The following ADGRE2 variants were observed in gnomAD, a reference collection of about 807,000 sequenced individuals.
ADGRE2 encodes the protein adhesion G protein-coupled receptor E2, also known as CD97 antigen.
Under a neutral mutation model 100.8 loss-of-function variants are expected in ADGRE2, and 83 were observed. The ratio of observed to expected loss-of-function variants is 0.82; its 90% CI spans 0.69 to 0.99. The LOEUF (loss-of-function observed/expected upper bound fraction) is 0.99, where lower values mean the gene tolerates loss of function less well. ADGRE2 is among the 50% of genes least tolerant of loss of function. The pLI, the probability that ADGRE2 is intolerant of heterozygous loss-of-function variation, is 0.00. For missense variants in ADGRE2, 814 were observed against 1,035.7 expected, an observed-to-expected ratio of 0.79 and a Z score of 2.94; for synonymous variants, 355 against 413.0, an observed-to-expected ratio of 0.86 and a Z score of 1.70.
At chr19:14,750,223 T>C (rs1308270059) in intron 16 of ADGRE2, among the ~76,000 whole-genome samples, 1 of 145,968 alleles carries the variant, frequency 6.9e-6, no homozygotes, top group East Asian at 2.0e-4. Flanking sequence ...TACATAGATA[T>C]ATATTTATAT....
Position 14,773,925 on chromosome 19 carries a change from C to A in ADGRE2, c.199+13G>T, listed in dbSNP as rs766054424. The A allele has an allele frequency of 1.2e-6, 2 of 1,613,326 alleles. No homozygotes were observed. The highest frequency in any genetic ancestry group is 4.5e-5 in the East Asian group (2 of 44,882). On this transcript the variant is annotated intron_variant, in intron 4 of 20. Transcript: ENST00000315576. ...TCGCAGATGTCCCCTGCGCTGCCCT[C>A]AAGCCTCTGTACCGTCACAAGTCTC...
In ADGRE2 at chr19:14,759,815, A is replaced by ATTT. The variant is rs71333311; in HGVS notation, c.1085-3473_1085-3471dup. 8.0e-3 allele frequency among the ~76,000 whole-genome samples: 768 copies of ATTT among 95,522 alleles called. 40 individuals carry two copies. The highest frequency in any genetic ancestry group is 0.033 in the African/African-American group (711 of 21,538). 62.7% of individuals were successfully genotyped at this position (95,522 alleles called of 152,430 possible). ...AGCCACCTCTCCGCTTATTAAGCAG[A>ATTT]TTTTTTTTTTTTTTTTTTTTTGAGA... On this transcript the variant is annotated intron_variant, in intron 11 of 20. Coordinates refer to ENST00000315576, the MANE Select transcript of ADGRE2 (RefSeq NM_013447.4).
intron 13 of ADGRE2, among the ~76,000 whole-genome samples, 190 bp downstream of exon 13, chr19:14,755,464 G>T (rs1306912598): frequency 6.6e-6 from 1 of 151,928 alleles, no homozygotes. Flanking sequence ...ATAAAAAAAA[G>T]AACACAGGTG....
rs200195751 is a variant in ADGRE2, at chr19:14,777,837, T to A, written c.-172+420A>T. On this transcript the variant is annotated intron_variant, in intron 1 of 20. Coordinates refer to ENST00000315576, the MANE Select transcript of ADGRE2 (RefSeq NM_013447.4). ...AAGGACATGAACTCATCCTTTTTTA[T>A]AGCTGCATAGTATTCCCTGGTGTAT... 2.0e-5 allele frequency among the ~76,000 whole-genome samples: 3 copies of A among 152,214 alleles called. No individual in the cohort carries two copies. The East Asian group carries it at 5.8e-4, about 29-fold the overall frequency.
intron 10 of ADGRE2, 33 bp from the exon 11 acceptor site, chr19:14,764,643 A>C: frequency 6.3e-7 from 1 of 1,589,144 alleles, no homozygotes; most frequent in Non-Finnish European, 8.6e-7. Context: ...CTAGTGAGCC[A>C]TGGGCCAGAG....
Position 14,759,503 on chromosome 19 carries a change from A to ATATATTTT in ADGRE2, c.1085-3159_1085-3158insAAAATATA, listed in dbSNP as rs60789454. Among the ~76,000 whole-genome samples the ATATATTTT allele has an allele frequency of 1.9e-4, 26 of 133,370 alleles. No individual in the cohort carries two copies. The East Asian group carries it at 2.9e-3, about 15-fold the overall frequency. The allele number at this position is 133,370 out of a possible 152,430, so 87.5% of individuals were successfully genotyped here. A position where few individuals can be genotyped will look rare whatever the true frequency, so the allele number is the denominator to read the frequency against. ...ATAAGTTATACATATATATATATATATTTTTTTTTTTTAGACGGAGTCTCA... is the reference window on the plus strand; with the variant it reads ...ATAAGTTATACATATATATATATATATATATTTTTTTTTTTTTTTTAGACGGAGTCTCA... On this transcript the variant is annotated intron_variant, in intron 11 of 20. Transcript: ENST00000315576.
At position 14,767,885 on chromosome 19, in the gene ADGRE2, C is replaced by A. The variant is rs1340403560; in HGVS notation, c.356-776G>T. 2.6e-5 allele frequency among the ~76,000 whole-genome samples: 4 copies of A among 152,172 alleles called. No homozygotes were observed. In the East Asian group the frequency reaches 7.7e-4, roughly 29 times the overall value. On this transcript the variant is annotated intron_variant, in intron 5 of 20. Coordinates refer to ENST00000315576, the MANE Select transcript of ADGRE2 (RefSeq NM_013447.4). The stretch of plus-strand genomic sequence containing the variant: ...TCATATTTGAGGAATGGAGAGTAGG[C>A]AGGTTTTCAGCTTCTGCTCACCCTC...
intron 18 of ADGRE2, among the ~76,000 whole-genome samples, chr19:14,744,737 G>A (rs1166263432): frequency 2.6e-5 from 4 of 152,150 alleles, no homozygotes; most frequent in African/African-American, 9.6e-5. Flanking sequence ...TTACAGGCGT[G>A]AGCCACCATG....
chr19:14,756,465 G>A (rs745545644), intron 11 of ADGRE2, 120 bp from the exon 12 acceptor site: 37 of 694,728 alleles, frequency 5.3e-5, no homozygotes, highest in Admixed American at 1.8e-4. Context: ...ACAAAATATC[G>A]GAAGAGAATA....
downstream of ADGRE2, among the ~76,000 whole-genome samples, chr19:14,730,831 C>T (rs966616857): frequency 1.3e-5 from 2 of 151,554 alleles, no homozygotes; most frequent in Admixed American, 6.6e-5. Context: ...TCTAGTAGTC[C>T]CCATTGTCTA....
At chr19:14,728,679 A>G (rs1289082865), downstream of ADGRE2, among the ~76,000 whole-genome samples, 2 of 152,228 alleles carry the variant, frequency 1.3e-5, no homozygotes, top group Non-Finnish European at 2.9e-5. Context: ...AAAAACTTCC[A>G]TGTGAATCCC....
chr19:14,752,672 T>A, intron 14 of ADGRE2, 146 bp from the exon 15 acceptor site: 2 of 1,067,382 alleles, frequency 1.9e-6, no homozygotes, highest in Non-Finnish European at 2.7e-6. Context: ...CAATTTAATT[T>A]AATTTGCGAA....
Position 14,751,703 on chromosome 19 carries a change from C to T in ADGRE2, c.1789-32G>A, listed in dbSNP as rs777656777. ...GAGAAGTAAAAGACGCCCAGAGCGGCGATCAGATTTGAGTGTGGCCCATGG... is the reference window on the plus strand; with the variant it reads ...GAGAAGTAAAAGACGCCCAGAGCGGTGATCAGATTTGAGTGTGGCCCATGG... On this transcript the variant is annotated intron_variant, in intron 15 of 20. Transcript: ENST00000315576. The T allele has an allele frequency of 3.6e-5, 56 of 1,562,448 alleles. 1 individual carries two copies. The highest frequency in any genetic ancestry group is 1.1e-4 in the South Asian group (10 of 89,588).
chr19:14,773,792 A>G (rs376898532), intron 4 of ADGRE2, 146 bp downstream of exon 4: 52 of 835,546 alleles, frequency 6.2e-5, no homozygotes, highest in South Asian at 1.1e-4. Context: ...GAGCCACCAC[A>G]CCTGCCCTCT....
At chr19:14,747,685 G>A (rs1270063296) in intron 16 of ADGRE2, among the ~76,000 whole-genome samples, 1 of 151,906 alleles carries the variant, frequency 6.6e-6, no homozygotes, top group African/African-American at 2.4e-5. Flanking sequence ...GCGCATGCCT[G>A]TAATCTCAGC....
chr19:14,754,946 G>A lies in ADGRE2; in HGVS notation c.1590+8C>T, dbSNP rs762453696. The A allele has an allele frequency of 3.1e-6, 5 of 1,613,342 alleles. No homozygotes were observed. Among genetic ancestry groups the A allele is most frequent in the Non-Finnish European group, 4.2e-6 (5 of 1,179,786 alleles). ...AATGCAGAGTGCATCCCCTCCTAAG[G>A]GTCTCACCTGCACATCGTAGTGGGC... On this transcript the variant is annotated splice_region_variant and intron_variant, in intron 14 of 20. Coordinates refer to ENST00000315576, the MANE Select transcript of ADGRE2 (RefSeq NM_013447.4).
At chr19:14,737,282 G>C (rs1374104082) in intron 20 of ADGRE2, among the ~76,000 whole-genome samples, 1 of 151,664 alleles carries the variant, frequency 6.6e-6, no homozygotes, top group Non-Finnish European at 1.5e-5. Flanking sequence ...CCAACTCCCA[G>C]GTTCAAGTGA....
intron 16 of ADGRE2, among the ~76,000 whole-genome samples, chr19:14,750,375 T>A (rs977155338): frequency 2.0e-5 from 3 of 151,934 alleles, no homozygotes; most frequent in Non-Finnish European, 2.9e-5. Flanking sequence ...TCTTTCTTCA[T>A]CAAAATACCG....
At chr19:14,741,623 C>T in intron 20 of ADGRE2, 1 of 152,378 alleles carries the variant, frequency 6.6e-6, no homozygotes, top group East Asian at 1.9e-4. Context: ...ACTACAGTCG[C>T]CCACCACCAC....
Sources: allele counts gnomAD v4.1 joint callset (sites outside exome capture counted in the v4.1 genomes callset), GRCh38; gene constraint gnomAD v4.1.1; transcripts MANE v1.5; gene names NCBI Gene and HGNC (gene_info 2026-07-23, HGNC 2026-07-21).